The following SGCZ variants were observed in gnomAD, a reference collection of about 807,000 sequenced individuals.
The protein encoded by SGCZ is zeta-sarcoglycan.
In SGCZ, 40 loss-of-function variants were observed where a neutral mutation model predicts 41.3. The observed-to-expected ratio is 0.97, with a 90% CI of 0.75 to 1.26. The LOEUF (loss-of-function observed/expected upper bound fraction) is 1.26. Ranked by LOEUF, SGCZ falls within the 50% of genes most tolerant of loss-of-function variation. The pLI is 0.00. For missense variants in SGCZ, 552 were observed against 369.8 expected (o/e 1.49, Z -4.04); for synonymous variants, 206 against 137.5 (o/e 1.50, Z -3.49).
At chr8:14,513,521 T>G (rs1377928268) in intron 2 of SGCZ, among the ~76,000 whole-genome samples, 1 of 138,304 alleles carries the variant, frequency 7.2e-6, no homozygotes, top group Non-Finnish European at 1.6e-5. Context: ...TCTAAACTAA[T>G]TAATAATATA....
chr8:14,430,505 C>G (rs1023710121), intron 2 of SGCZ, among the ~76,000 whole-genome samples: 1 of 151,992 alleles, frequency 6.6e-6, no homozygotes, highest in Non-Finnish European at 1.5e-5. Context: ...AACTTTATGA[C>G]GAAAACTCTC....
At chr8:14,774,442 C>T (rs183331431) in intron 1 of SGCZ, among the ~76,000 whole-genome samples, 4 of 152,180 alleles carry the variant, frequency 2.6e-5, no homozygotes, top group Admixed American at 6.5e-5. Context: ...CTTCAGTTAA[C>T]GTTTAGGATT....
At chr8:14,574,152 A>G (rs1401423739) in intron 1 of SGCZ, among the ~76,000 whole-genome samples, 1 of 152,126 alleles carries the variant, frequency 6.6e-6, no homozygotes, top group Admixed American at 6.5e-5. Flanking sequence ...GTTTCATATA[A>G]CCTTTAGGAT....
intron 1 of SGCZ, among the ~76,000 whole-genome samples, chr8:14,753,026 T>C (rs1486029236): frequency 6.6e-6 from 1 of 151,874 alleles, no homozygotes; most frequent in Non-Finnish European, 1.5e-5. Context: ...CTCCGTACTG[T>C]AATTTTCATT....
intron 2 of SGCZ, among the ~76,000 whole-genome samples, chr8:14,530,431 A>G (rs1803091085): frequency 6.6e-6 from 1 of 152,086 alleles, no homozygotes; most frequent in South Asian, 2.1e-4. Context: ...TTATTTGATA[A>G]TACTTTCATT....
chr8:14,655,960 C>T (rs6982610), intron 1 of SGCZ, among the ~76,000 whole-genome samples: 1 of 151,804 alleles, frequency 6.6e-6, no homozygotes, highest in Admixed American at 6.6e-5. Context: ...GCTGAAGACC[C>T]ATCCATCGTC....
intron 5 of SGCZ, among the ~76,000 whole-genome samples, chr8:14,134,211 T>TTAGA (rs1219640742): frequency 1.1e-4 from 16 of 152,118 alleles, no homozygotes; most frequent in South Asian, 2.1e-4. Flanking sequence ...CTAGGCACAA[T>TTAGA]TAGATATTAG....
At chr8:15,164,896 G>C (rs550560461) in intron 1 of SGCZ, among the ~76,000 whole-genome samples, 1 of 152,000 alleles carries the variant, frequency 6.6e-6, no homozygotes, top group Non-Finnish European at 1.5e-5. Flanking sequence ...CTTCTTTCTG[G>C]TTTGATACCT....
Position 15,155,420 on chromosome 8 carries a change from T to C in SGCZ, c.39+82165A>G, listed in dbSNP as rs367578275. On this transcript the variant is annotated intron_variant, in intron 1 of 7. Coordinates refer to ENST00000382080, the MANE Select transcript of SGCZ (RefSeq NM_139167.4). The stretch of plus-strand genomic sequence containing the variant: ...TGTACCCCATAAATATGTATGATTA[T>C]GTGCCAACTGAAATAATGCAAAACA... Among the ~76,000 whole-genome samples the C allele has an allele frequency of 3.2e-4, 48 of 152,372 alleles. No individual in the cohort carries two copies. The South Asian group carries it at 9.7e-3, about 31-fold the overall frequency.
intron 1 of SGCZ, among the ~76,000 whole-genome samples, chr8:14,736,849 A>G (rs985935486): frequency 4.6e-5 from 7 of 152,108 alleles, no homozygotes; most frequent in African/African-American, 1.4e-4. Context: ...AAGTAGTACA[A>G]TCTGATCCAG....
chr8:14,336,558 A>T lies in SGCZ; in HGVS notation c.235-12354T>A, dbSNP rs555228256. On this transcript the variant is annotated intron_variant, in intron 2 of 7. Transcript: ENST00000382080. Reference sequence around the variant, plus strand: ...TGAAATAATTTACACTCCCATCAACAGTGTATAAGCATTCTCTTTTCTTTG... The same window carrying T: ...TGAAATAATTTACACTCCCATCAACTGTGTATAAGCATTCTCTTTTCTTTG... Among the ~76,000 whole-genome samples, 17 of 152,254 alleles carry T rather than the reference A, an allele frequency of 1.1e-4. No individual in the cohort carries two copies. In the South Asian group the frequency reaches 3.5e-3, roughly 32 times the overall value.
chr8:14,104,026 G>T (rs756748116), intron 6 of SGCZ, among the ~76,000 whole-genome samples: 1 of 152,064 alleles, frequency 6.6e-6, no homozygotes, highest in Non-Finnish European at 1.5e-5. Flanking sequence ...CTCTTGTATG[G>T]AAAGTCTCCT....
intron 1 of SGCZ, among the ~76,000 whole-genome samples, chr8:14,840,946 G>C (rs1393703448): frequency 6.6e-6 from 1 of 151,964 alleles, no homozygotes; most frequent in African/African-American, 2.4e-5. Context: ...TTACATCAAA[G>C]ATGTCATCTT....
chr8:14,998,152 C>T (rs557573180), intron 1 of SGCZ, among the ~76,000 whole-genome samples: 1 of 152,110 alleles, frequency 6.6e-6, no homozygotes, highest in Non-Finnish European at 1.5e-5. Flanking sequence ...ACGAAATCAT[C>T]AATACTTAAA....
In SGCZ at chr8:14,088,965, C is replaced by T. The variant is rs1352042242; in HGVS notation, c.*1478G>A. 1.2e-4 allele frequency among the ~76,000 whole-genome samples: 18 copies of T among 151,806 alleles called. No homozygotes were observed. The highest frequency in any genetic ancestry group is 6.6e-5 in the Admixed American group (1 of 15,188). ...TGATAGTGTGCATGAGGGAGAAAAA[C>T]GTTTGATTGACATGTGAAAATTCAG... On this transcript the variant is annotated 3_prime_UTR_variant, in exon 8 of 8. Transcript: ENST00000382080.
chr8:14,682,203 A>G (rs1294513434), intron 1 of SGCZ, among the ~76,000 whole-genome samples: 2 of 152,130 alleles, frequency 1.3e-5, no homozygotes, highest in Admixed American at 1.3e-4. Flanking sequence ...GGAAAATACA[A>G]TGGGAAATAC....
At chr8:14,787,542 T>A (rs1800807246) in intron 1 of SGCZ, among the ~76,000 whole-genome samples, 1 of 152,092 alleles carries the variant, frequency 6.6e-6, no homozygotes, top group Non-Finnish European at 1.5e-5. Context: ...AGTTTTATCC[T>A]AATTAAGAAG....
intron 1 of SGCZ, among the ~76,000 whole-genome samples, chr8:15,004,113 C>T (rs9694829): frequency 0.075 from 11,468 of 152,014 alleles, 665 homozygotes; most frequent in African/African-American, 0.16. Flanking sequence ...AGAAAGGCTC[C>T]GTAAGACCCC....
At chr8:14,340,712 A>G (rs1408913111) in intron 2 of SGCZ, among the ~76,000 whole-genome samples, 1 of 152,332 alleles carries the variant, frequency 6.6e-6, no homozygotes, top group South Asian at 2.1e-4. Flanking sequence ...ATAGCTAGAA[A>G]ATCTCTGATA....
Sources: gnomAD v4.1 joint callset for allele counts (sites outside exome capture counted in the v4.1 genomes callset) on GRCh38, gnomAD v4.1.1 for gene constraint, MANE v1.5 for transcripts, NCBI Gene and HGNC (gene_info 2026-07-23, HGNC 2026-07-21) for gene names.